SYNE2: variants seen among roughly 807,000 people sequenced by gnomAD.
SYNE2 encodes spectrin repeat containing nuclear envelope protein 2, also known as nesprin-2.
SYNE2 carries 431 observed loss-of-function variants against 856.3 expected under a neutral mutation model. The ratio of observed to expected loss-of-function variants is 0.50; its 90% CI spans 0.47 to 0.55. The LOEUF is 0.55. SYNE2 is among the 20% of genes least tolerant of loss of function. SYNE2 has a pLI of 0.00. For synonymous variants in SYNE2, 2,923 were observed against 2,872.3 expected (o/e 1.02, Z -0.56); for missense variants, 8,129 against 8,023.2 (o/e 1.01, Z -0.50).
intron 36 of SYNE2, 63 bp downstream of exon 36, chr14:64,021,578 T>G (rs2096936302): frequency 1.3e-6 from 2 of 1,586,854 alleles, no homozygotes; most frequent in Non-Finnish European, 1.7e-6. Context: ...GCAGTTGTCT[T>G]GAGCTCTTAG....
chr14:64,162,575 C>T (rs1378294898), intron 88 of SYNE2: 2 of 429,088 alleles, frequency 4.7e-6, no homozygotes, highest in Admixed American at 3.5e-5. Context: ...GAAGTAAAAG[C>T]AAGTGTCTCA....
chr14:64,213,136 C>A, intron 105 of SYNE2, 131 bp downstream of exon 105: 1 of 927,978 alleles, frequency 1.1e-6, no homozygotes, highest in Non-Finnish European at 1.6e-6. Context: ...AAAGAAAGGG[C>A]TATATCAAAA....
chr14:64,132,232 A>G (rs777468055), intron 76 of SYNE2, 33 bp from the exon 77 acceptor site: 6 of 1,610,136 alleles, frequency 3.7e-6, no homozygotes, highest in Admixed American at 1.7e-5. Flanking sequence ...TCACAATTTC[A>G]AAGTAAATAT....
At chr14:63,889,418 T>G (rs943639093) in intron 1 of SYNE2, among the ~76,000 whole-genome samples, 5 of 152,104 alleles carry the variant, frequency 3.3e-5, no homozygotes, top group African/African-American at 9.7e-5. Flanking sequence ...AGAAGCATAC[T>G]AAGCATTATT....
intron 1 of SYNE2, among the ~76,000 whole-genome samples, chr14:63,873,203 T>C (rs1413427271): frequency 1.3e-5 from 2 of 152,218 alleles, no homozygotes; most frequent in Non-Finnish European, 1.5e-5. Flanking sequence ...CTAATCAGAC[T>C]GATGTGAAGT....
chr14:64,203,410 GACC>G (rs2098587628), intron 100 of SYNE2, among the ~76,000 whole-genome samples: 1 of 152,110 alleles, frequency 6.6e-6, no homozygotes, highest in Non-Finnish European at 1.5e-5. Context: ...AACATGCTTG[GACC>G]AATAGTTTAG....
intron 100 of SYNE2, among the ~76,000 whole-genome samples, chr14:64,203,272 T>C (rs1485649880): frequency 6.6e-6 from 1 of 152,228 alleles, no homozygotes; most frequent in Non-Finnish European, 1.5e-5. Flanking sequence ...TTTGTTAATA[T>C]AGTTTTGAAA....
intron 1 of SYNE2, among the ~76,000 whole-genome samples, chr14:63,808,929 A>G (rs754650936): frequency 2.0e-5 from 3 of 152,164 alleles, no homozygotes; most frequent in Non-Finnish European, 4.4e-5. Context: ...AGGCTGAGGC[A>G]GGAGAATTGC....
chr14:63,881,564 TA>T (rs1458906842), intron 1 of SYNE2, among the ~76,000 whole-genome samples: 2 of 149,514 alleles, frequency 1.3e-5, no homozygotes, highest in Non-Finnish European at 3.0e-5. Context: ...CATATATTTT[TA>T]TATATACTTA....
chr14:63,979,790 C>G (rs1255378800), intron 14 of SYNE2, among the ~76,000 whole-genome samples: 1 of 152,140 alleles, frequency 6.6e-6, no homozygotes, highest in African/African-American at 2.4e-5. Flanking sequence ...ATACCAGCTA[C>G]TTGGGAGGCT....
intron 97 of SYNE2, among the ~76,000 whole-genome samples, chr14:64,188,310 T>C (rs1467429605): frequency 6.6e-6 from 1 of 152,230 alleles, no homozygotes; most frequent in Non-Finnish European, 1.5e-5. Flanking sequence ...ATAAAAACAA[T>C]CCTTCCAATC....
intron 11 of SYNE2, among the ~76,000 whole-genome samples, chr14:63,970,076 G>T (rs1321585400): frequency 2.0e-5 from 3 of 152,094 alleles, no homozygotes; most frequent in Non-Finnish European, 4.4e-5. Context: ...TATGCTGACT[G>T]TATAGTACAT....
intron 10 of SYNE2, among the ~76,000 whole-genome samples, chr14:63,966,879 TG>T (rs934991579): frequency 6.6e-6 from 1 of 151,630 alleles, no homozygotes; most frequent in Non-Finnish European, 1.5e-5. Context: ...CTCTTTTTTT[TG>T]TTTTTTTTGA....
At chr14:64,189,273 G>T (rs1403292662) in intron 98 of SYNE2, among the ~76,000 whole-genome samples, 1 of 151,844 alleles carries the variant, frequency 6.6e-6, no homozygotes, top group Admixed American at 6.6e-5. Flanking sequence ...GGTGGAGGTT[G>T]CAGTGAGCCG....
chr14:64,040,117 C>T (rs951117470), intron 45 of SYNE2, among the ~76,000 whole-genome samples: 4 of 152,134 alleles, frequency 2.6e-5, no homozygotes, highest in African/African-American at 9.7e-5. Flanking sequence ...TATCTACTTA[C>T]TTACCTACCA....
At chr14:64,055,140 T>C (rs1419294571) in intron 48 of SYNE2, among the ~76,000 whole-genome samples, 1 of 152,194 alleles carries the variant, frequency 6.6e-6, no homozygotes, top group Non-Finnish European at 1.5e-5. Context: ...TAAACTAAAG[T>C]TAGTGCAGAG....
intron 112 of SYNE2, 118 bp from the exon 113 acceptor site, chr14:64,223,071 A>C (rs2098702393): frequency 2.0e-6 from 2 of 984,566 alleles, no homozygotes; most frequent in Admixed American, 3.7e-5. Context: ...AGGATTCTCG[A>C]GTTGAGTACT....
In SYNE2 at chr14:64,100,555, T is replaced by TATAG. The variant is rs1567299317; in HGVS notation, c.12382-1374_12382-1373insGATA. Among the ~76,000 whole-genome samples, 15 of 122,048 alleles carry TATAG rather than the reference T, an allele frequency of 1.2e-4. No homozygotes were observed. The East Asian group carries it at 1.5e-3, about 12-fold the overall frequency. 80.1% of individuals were successfully genotyped at this position (122,048 alleles called of 152,430 possible). A position where few individuals can be genotyped will look rare whatever the true frequency, so the allele number is the denominator to read the frequency against. On this transcript the variant is annotated intron_variant, in intron 63 of 115. Coordinates refer to ENST00000555002, the MANE Select transcript of SYNE2 (RefSeq NM_182914.3). Reference sequence around the variant, plus strand: ...AAATATATATATATATATATATATATATATATATATATATATTTATGACAT... The same window carrying TATAG: ...AAATATATATATATATATATATATATATAGATATATATATATATATTTATGACAT...
Position 64,141,539 on chromosome 14 carries a change from C to T in SYNE2, c.15159+16C>T, listed in dbSNP as rs748498411. On this transcript the variant is annotated intron_variant, in intron 81 of 115. Transcript: ENST00000555002. ...ACTTCACCAGGTAAGTCTTTAGAGC[C>T]TCAGCATTTGAATTAGCATTCACTT... The T allele has an allele frequency of 1.2e-6, 2 of 1,611,978 alleles. No homozygotes were observed. The highest frequency in any genetic ancestry group is 1.7e-6 in the Non-Finnish European group (2 of 1,178,478).
Sources: gnomAD v4.1 joint callset for allele counts (sites outside exome capture counted in the v4.1 genomes callset) on GRCh38, gnomAD v4.1.1 for gene constraint, MANE v1.5 for transcripts, NCBI Gene and HGNC (gene_info 2026-07-23, HGNC 2026-07-21) for gene names.